RBPJ: variants seen among roughly 807,000 people sequenced by gnomAD.
RBPJ encodes the protein recombination signal binding protein for immunoglobulin kappa J region, also known as recombining binding protein suppressor of hairless.
A neutral mutation model predicts 67.8 loss-of-function variants in RBPJ; 9 were observed. That is an observed-to-expected ratio of 0.13 (90% confidence interval 0.08 to 0.23). The LOEUF is 0.23. Ranked by LOEUF, RBPJ falls within the 10% of genes least tolerant of loss-of-function variation. RBPJ has a pLI of 1.00. For synonymous variants in RBPJ, 198 were observed against 203.3 expected, an observed-to-expected ratio of 0.97 and a Z score of 0.22; for missense variants, 305 against 595.6, an observed-to-expected ratio of 0.51 and a Z score of 5.08.
intron 1 of RBPJ, among the ~76,000 whole-genome samples, chr4:26,298,591 T>C (rs1721963565): frequency 6.6e-6 from 1 of 152,234 alleles, no homozygotes; most frequent in South Asian, 2.1e-4. Flanking sequence ...AAAGGATCTT[T>C]TTAAAACCTA....
chr4:26,123,394 G>C, the RBPJ span, among the ~76,000 whole-genome samples: 5 of 152,144 alleles, frequency 3.3e-5, no homozygotes, highest in East Asian at 5.8e-4. Context: ...AAGTTGTTCT[G>C]GGTGAGTCTG....
At chr4:26,372,455 C>T (rs889842491) in intron 1 of RBPJ, among the ~76,000 whole-genome samples, 4 of 152,190 alleles carry the variant, frequency 2.6e-5, no homozygotes, top group African/African-American at 4.8e-5. Flanking sequence ...GGGCGATTGA[C>T]TAGACAGTTA....
At chr4:26,343,942 G>C (rs1215018837) in intron 1 of RBPJ, among the ~76,000 whole-genome samples, 1 of 151,642 alleles carries the variant, frequency 6.6e-6, no homozygotes, top group African/African-American at 2.4e-5. Flanking sequence ...GTAGGGAGAG[G>C]GTTTCACCAT....
chr4:26,298,533 C>T (rs1237873764), intron 1 of RBPJ, among the ~76,000 whole-genome samples: 1 of 152,084 alleles, frequency 6.6e-6, no homozygotes, highest in Admixed American at 6.6e-5. Flanking sequence ...TTGTGTGCCT[C>T]CCAGAGAACC....
At chr4:26,242,415 C>A (rs1719671892) in intron 1 of RBPJ, among the ~76,000 whole-genome samples, 1 of 148,726 alleles carries the variant, frequency 6.7e-6, no homozygotes, top group Non-Finnish European at 1.5e-5. Context: ...CCGCTGTACT[C>A]CAGCCTGGAC....
the RBPJ span, among the ~76,000 whole-genome samples, chr4:26,143,154 T>G: frequency 2.6e-5 from 4 of 152,232 alleles, no homozygotes; most frequent in Non-Finnish European, 5.9e-5. Context: ...GAAGCCAGCA[T>G]AGATGCATGT....
intron 3 of RBPJ, among the ~76,000 whole-genome samples, chr4:26,413,753 A>G (rs1734272368): frequency 6.6e-6 from 1 of 152,222 alleles, no homozygotes; most frequent in South Asian, 2.1e-4. Context: ...GGAAGACCTG[A>G]GCACCAAATC....
At chr4:26,323,621 CA>C (rs1451052655) in intron 1 of RBPJ, among the ~76,000 whole-genome samples, 3 of 152,092 alleles carry the variant, frequency 2.0e-5, no homozygotes, top group African/African-American at 7.2e-5. Flanking sequence ...GCAATATTTT[CA>C]AATCTGTACT....
At chr4:26,229,874 C>A (rs1719214886) in intron 1 of RBPJ, among the ~76,000 whole-genome samples, 2 of 152,054 alleles carry the variant, frequency 1.3e-5, no homozygotes, top group Non-Finnish European at 1.5e-5. Flanking sequence ...TGCTACAACA[C>A]CTCCTATAAA....
At chr4:26,416,917 A>G (rs1234170039) in intron 4 of RBPJ, among the ~76,000 whole-genome samples, 1 of 152,198 alleles carries the variant, frequency 6.6e-6, no homozygotes, top group Non-Finnish European at 1.5e-5. Flanking sequence ...TTGACTATGT[A>G]TTTTAAATTA....
intron 1 of RBPJ, among the ~76,000 whole-genome samples, chr4:26,379,147 C>T (rs1190436119): frequency 1.3e-5 from 2 of 152,080 alleles, no homozygotes; most frequent in African/African-American, 2.4e-5. Context: ...CATGGCATGT[C>T]TTTGAAATCT....
chr4:26,125,369 A>T, the RBPJ span, among the ~76,000 whole-genome samples: 1 of 152,240 alleles, frequency 6.6e-6, no homozygotes. Context: ...ATTTTTCTAC[A>T]CTACTGACTG....
intron 1 of RBPJ, among the ~76,000 whole-genome samples, chr4:26,269,655 C>G (rs1720815401): frequency 1.3e-5 from 2 of 152,168 alleles, no homozygotes; most frequent in African/African-American, 4.8e-5. Context: ...GACAGGGACT[C>G]TGTCTCAATT....
At chr4:26,387,867 A>C (rs1731081913) in intron 2 of RBPJ, among the ~76,000 whole-genome samples, 1 of 152,232 alleles carries the variant, frequency 6.6e-6, no homozygotes, top group Admixed American at 6.5e-5. Context: ...TAGAGTGCTC[A>C]GAAGGGTTTT....
At chr4:26,259,830 G>A (rs578040770) in intron 1 of RBPJ, among the ~76,000 whole-genome samples, 1 of 152,264 alleles carries the variant, frequency 6.6e-6, no homozygotes, top group African/African-American at 2.4e-5. Context: ...TTCATCTTCA[G>A]TATTATCTTA....
chr4:26,198,934 A>C (rs1717881397), intron 1 of RBPJ, among the ~76,000 whole-genome samples: 1 of 152,220 alleles, frequency 6.6e-6, no homozygotes, highest in Non-Finnish European at 1.5e-5. Flanking sequence ...ACAACATAAA[A>C]TTTACCCTTT....
intron 1 of RBPJ, among the ~76,000 whole-genome samples, chr4:26,208,242 A>T (rs1010323482): frequency 6.6e-6 from 1 of 152,250 alleles, no homozygotes; most frequent in African/African-American, 2.4e-5. Flanking sequence ...CCCATCTTGC[A>T]GATGAGATAT....
At chr4:26,118,602 C>T in the RBPJ span, among the ~76,000 whole-genome samples, 2 of 152,168 alleles carry the variant, frequency 1.3e-5, no homozygotes, top group Non-Finnish European at 2.9e-5. Context: ...TGGTCATTCA[C>T]GTCAGTCTGA....
intron 1 of RBPJ, among the ~76,000 whole-genome samples, chr4:26,334,256 G>A (rs1476317197): frequency 6.6e-6 from 1 of 151,970 alleles, no homozygotes; most frequent in Non-Finnish European, 1.5e-5. Context: ...GGCCAGGTTG[G>A]TTTCGAACTC....
Sources: gnomAD v4.1 joint callset for allele counts (sites outside exome capture counted in the v4.1 genomes callset) on GRCh38, gnomAD v4.1.1 for gene constraint, MANE v1.5 for transcripts, NCBI Gene and HGNC (gene_info 2026-07-23, HGNC 2026-07-21) for gene names.